BAIAP3: variants seen among roughly 807,000 people sequenced by gnomAD.
BAIAP3 encodes BAI1 associated protein 3, also known as BAI1-associated protein 3.
BAIAP3 carries 180 observed loss-of-function variants against 149.7 expected under a neutral mutation model. The ratio of observed to expected loss-of-function variants is 1.20; its 90% CI spans 1.07 to 1.36. BAIAP3 has a LOEUF of 1.36. Ranked by LOEUF, BAIAP3 falls within the 40% of genes most tolerant of loss-of-function variation. The pLI is 0.00. For synonymous variants in BAIAP3, 845 were observed against 670.7 expected (o/e 1.26, Z -4.02); for missense variants, 1,767 against 1,563.4 (o/e 1.13, Z -2.20).
intron 21 of BAIAP3, 49 bp from the exon 22 acceptor site, chr16:1,345,200 G>C (rs1350027326): frequency 6.2e-7 from 1 of 1,610,228 alleles, no homozygotes; most frequent in African/African-American, 1.3e-5. Context: ...GAACGTGCTG[G>C]TTAAGGTGTC....
chr16:1,348,113 C>T lies in BAIAP3; in HGVS notation c.3167C>T (p.Ala1056Val), dbSNP rs144679706. The T allele has an allele frequency of 2.8e-5, 45 of 1,603,310 alleles. No individual in the cohort carries two copies. Among genetic ancestry groups the T allele is most frequent in the South Asian group, 6.6e-5 (6 of 91,022 alleles). Reference protein sequence around the residue: ...ELFYFSVPAEACRRRAACVLF... With the variant: ...ELFYFSVPAEVCRRRAACVLF... ...GTCCGCAGTTCCGTGCCTGCCGAGG[C>T]GTGCCGCCGCCGCGCGGCCTGTGTG... The change falls in exon 33 of 34, where the codon GCG becomes GTG. Residue 1056 changes from alanine (A) to valine (V), a missense_variant. Ala to Val is a moderately conservative substitution (Grantham distance 64). Transcript: ENST00000426824.
At chr16:1,344,878 T>G in intron 20 of BAIAP3, 29 bp downstream of exon 20, 1 of 1,613,680 alleles carries the variant, frequency 6.2e-7, no homozygotes, top group East Asian at 2.2e-5. Flanking sequence ...CCCGGGTGCC[T>G]GCCAGGCATG....
At position 1,348,933 on chromosome 16, in the gene BAIAP3, G is replaced by A. The variant is rs116986044; in HGVS notation, c.*451G>A. 0.015 allele frequency: 3,873 copies of A among 262,072 alleles called. 48 individuals carry two copies. The highest frequency in any genetic ancestry group is 0.02 in the Non-Finnish European group (2,664 of 134,858). 16.2% of individuals were successfully genotyped at this position (262,072 alleles called of 1,614,324 possible). On this transcript the variant is annotated 3_prime_UTR_variant, in exon 34 of 34. Transcript: ENST00000426824. Reference sequence around the variant, plus strand: ...TGAAAAGGGTGCCACTGGCACCACTGGGTGGATGGTCCAGAGCCTCCACCC... The same window carrying A: ...TGAAAAGGGTGCCACTGGCACCACTAGGTGGATGGTCCAGAGCCTCCACCC...
Position 1,342,295 on chromosome 16 carries a change from TG to T in BAIAP3, c.957+16del. ...ACATACCTGTCCGGGTGAGTGGGTG[TG>T]GGGTGGGGCTGGTGACACTTAGAGA... On this transcript the variant is annotated intron_variant, in intron 11 of 33. Transcript: ENST00000426824. 2 of 1,609,954 alleles carry T rather than the reference TG, an allele frequency of 1.2e-6. No individual in the cohort carries two copies. Among genetic ancestry groups the T allele is most frequent in the Non-Finnish European group, 1.7e-6 (2 of 1,178,134 alleles).
rs769034655 is a variant in BAIAP3, at chr16:1,347,877, C to T, written c.3026-17C>T. ...GGTGGGATGGGGGCAGGGGGGCTCA[C>T]GACTGTGCTCCTGCAGGCTTAAGTG... On this transcript the variant is annotated splice_polypyrimidine_tract_variant and intron_variant, in intron 31 of 33. Transcript: ENST00000426824. 18 of 1,610,202 alleles carry T rather than the reference C, an allele frequency of 1.1e-5. No homozygotes were observed. Among genetic ancestry groups the T allele is most frequent in the African/African-American group, 2.7e-5 (2 of 74,896 alleles).
In BAIAP3 at chr16:1,348,372, C is replaced by G; in HGVS notation, c.3356-7C>G. On this transcript the variant is annotated splice_polypyrimidine_tract_variant and splice_region_variant and intron_variant, in intron 33 of 33. Coordinates refer to ENST00000426824, the MANE Select transcript of BAIAP3 (RefSeq NM_001199097.2). ...GGCCCCCACACACCTGCCCGCGCTG[C>G]TTGCAGTGAGATCTGCGCTGAGGAG... The G allele has an allele frequency of 6.2e-7, 1 of 1,611,982 alleles. No individual in the cohort carries two copies. Among genetic ancestry groups the G allele is most frequent in the Non-Finnish European group, 8.5e-7 (1 of 1,179,540 alleles).
Position 1,336,057 on chromosome 16 carries a change from C to T in BAIAP3, c.-11+2308C>T, listed in dbSNP as rs7205825. 5.8e-3 allele frequency: 1,132 copies of T among 194,348 alleles called. 12 individuals are homozygous for T. Among genetic ancestry groups the T allele is most frequent in the African/African-American group, 0.024 (1,030 of 42,298 alleles). The allele number at this position is 194,348 out of a possible 1,614,324, so 12.0% of individuals were successfully genotyped here. A position where few individuals can be genotyped will look rare whatever the true frequency, so the allele number is the denominator to read the frequency against. On this transcript the variant is annotated intron_variant, in intron 1 of 33. Transcript: ENST00000426824. ...CTGGAACATCTTGTTATCACAAAGACACCCCCTCCCCAACCCCGCAGTTCA... is the reference window on the plus strand; with the variant it reads ...CTGGAACATCTTGTTATCACAAAGATACCCCCTCCCCAACCCCGCAGTTCA...
In BAIAP3 at chr16:1,342,207, C is replaced by T. The variant is rs1357569559; in HGVS notation, c.881C>T (p.Ala294Val). The change falls in exon 11 of 34, where the codon GCC becomes GTC. Residue 294 changes from alanine (A) to valine (V), a missense_variant. Coordinates refer to ENST00000426824, the MANE Select transcript of BAIAP3 (RefSeq NM_001199097.2). ...GRYFKQIVKS[A>V]RANGTAGPTE... ...TACTTCAAACAGATCGTCAAGTCAG[C>T]CCGCGCAAACGGGACAGCAGGACCC... 1 of 1,608,656 alleles carries T rather than the reference C, an allele frequency of 6.2e-7. No homozygotes were observed. Among genetic ancestry groups the T allele is most frequent in the South Asian group, 1.1e-5 (1 of 90,790 alleles).
At position 1,348,892 on chromosome 16, in the gene BAIAP3, A is replaced by C. The variant is rs974639880; in HGVS notation, c.*410A>C. ...GGCAATGTGCAGACGCATTTTTGGT[A>C]ATCACAGCTGGGGAGTGAAAAGGGT... On this transcript the variant is annotated 3_prime_UTR_variant, in exon 34 of 34. Transcript: ENST00000426824. 7.8e-5 allele frequency: 22 copies of C among 282,128 alleles called. No homozygotes were observed. Among genetic ancestry groups the C allele is most frequent in the Non-Finnish European group, 5.4e-5 (8 of 146,956 alleles). The allele number at this position is 282,128 out of a possible 1,614,324, so 17.5% of individuals were successfully genotyped here.
chr16:1,346,536 G>A (rs1223685647), intron 26 of BAIAP3, 26 bp downstream of exon 26: 1 of 1,597,142 alleles, frequency 6.3e-7, no homozygotes, highest in Admixed American at 1.7e-5. Flanking sequence ...AGGGGCCGTG[G>A]AGGACTGTGT....
intron 15 of BAIAP3, 24 bp downstream of exon 15, chr16:1,343,537 G>A (rs377742442): frequency 6.2e-7 from 1 of 1,602,934 alleles, no homozygotes; most frequent in African/African-American, 1.3e-5. Context: ...GGACCTTCTT[G>A]CCAGCCATGG....
intron 8 of BAIAP3, 146 bp downstream of exon 8, chr16:1,341,635 G>C: frequency 3.2e-6 from 4 of 1,265,300 alleles, no homozygotes; most frequent in Non-Finnish European, 4.4e-6. Context: ...CTGAGGCCCA[G>C]AGATGGGCGT....
Position 1,346,593 on chromosome 16 carries a change from C to T in BAIAP3, c.2563-12C>T, listed in dbSNP as rs202079072. 1.3e-6 allele frequency: 2 copies of T among 1,559,622 alleles called. No individual in the cohort carries two copies. Among genetic ancestry groups the T allele is most frequent in the Admixed American group, 1.9e-5 (1 of 51,866 alleles). On this transcript the variant is annotated splice_polypyrimidine_tract_variant and intron_variant, in intron 26 of 33. Transcript: ENST00000426824. ...TGCGGGGTAAGCCTGGCCTGACCAC[C>T]CCTGCCCGCAGGCCGTGGCCCCGCT...
rs1040079136 is a variant in BAIAP3, at chr16:1,344,698, G to A, written c.1757G>A (p.Ser586Asn). The A allele has an allele frequency of 3.1e-6, 5 of 1,613,478 alleles. No homozygotes were observed. Among genetic ancestry groups the A allele is most frequent in the Non-Finnish European group, 4.2e-6 (5 of 1,180,020 alleles). ...CYSVYASLFHSILNVDVFTLT... is the reference protein window; with the variant it reads ...CYSVYASLFHNILNVDVFTLT... ...AGTGTGTACGCCAGCCTCTTCCACA[G>A]GTGGGCCTGGCCCCTCAGTGCTGTC... The change falls in exon 19 of 34, where the codon AGC becomes AAC. Residue 586 changes from serine to asparagine, a missense_variant and splice_region_variant. Ser to Asn is a conservative substitution (Grantham distance 46, BLOSUM62 1). Coordinates refer to ENST00000426824, the MANE Select transcript of BAIAP3 (RefSeq NM_001199097.2).
Position 1,349,154 on chromosome 16 carries a change from C to T in BAIAP3, c.*672C>T, listed in dbSNP as rs1018670519. 1.0e-4 allele frequency: 49 copies of T among 484,660 alleles called. No individual in the cohort carries two copies. Among genetic ancestry groups the T allele is most frequent in the Middle Eastern group, 1.1e-3 (2 of 1,744 alleles). The allele number at this position is 484,660 out of a possible 1,614,324, so 30.0% of individuals were successfully genotyped here. ...CGCACATATCCGTGGCCACCTGAGA[C>T]CTGCTCCACGACCCTTCCAGGCAGA... On this transcript the variant is annotated 3_prime_UTR_variant, in exon 34 of 34. Transcript: ENST00000426824.
In BAIAP3 at chr16:1,344,466, C is replaced by G; in HGVS notation, c.1603-3C>G. 1 of 1,613,524 alleles carries G rather than the reference C, an allele frequency of 6.2e-7. No individual in the cohort carries two copies. The highest frequency in any genetic ancestry group is 1.1e-5 in the South Asian group (1 of 91,080). On this transcript the variant is annotated splice_polypyrimidine_tract_variant and splice_region_variant and intron_variant, in intron 17 of 33. Transcript: ENST00000426824. The stretch of plus-strand genomic sequence containing the variant: ...CATGCTGTCTTGGTGGTGTCTGTTG[C>G]AGAGAGGCAACCGTGAGTGGTACGA...
Position 1,344,026 on chromosome 16 carries a change from A to G in BAIAP3, c.1391A>G (p.Glu464Gly), listed in dbSNP as rs2034126173. The change falls in exon 16 of 34, where the codon GAG becomes GGG. Residue 464 changes from glutamate to glycine, a missense_variant. Physicochemically the swap from Glu to Gly is moderately conservative, Grantham distance 98 (BLOSUM62 -2). Transcript: ENST00000426824. ...EAPSLPQEQE[E>G]SLADSLSAFS... ...TGAAGGGCCCTGTCCCCACAGGAGG[A>G]GAGCCTGGCTGATAGCCTTTCCGCC... is the stretch of plus-strand genomic sequence containing the variant. 6.2e-7 allele frequency: 1 copy of G among 1,612,262 alleles called. No homozygotes were observed. Among genetic ancestry groups the G allele is most frequent in the Non-Finnish European group, 8.5e-7 (1 of 1,179,890 alleles).
intron 25 of BAIAP3, 27 bp downstream of exon 25, chr16:1,346,388 T>C (rs1243886948): frequency 1.9e-6 from 3 of 1,611,014 alleles, no homozygotes; most frequent in South Asian, 2.2e-5. Flanking sequence ...GACCAAGGCG[T>C]GGAGGCAGTC....
intron 11 of BAIAP3, 25 bp downstream of exon 11, chr16:1,342,308 G>A (rs1026005434): frequency 2.5e-6 from 4 of 1,605,106 alleles, no homozygotes; most frequent in East Asian, 2.2e-5. Context: ...GGTGGGGCTG[G>A]TGACACTTAG....
Sources: gnomAD v4.1 joint callset for allele counts on GRCh38, gnomAD v4.1.1 for gene constraint, MANE v1.5 for transcripts, NCBI Gene and HGNC (gene_info 2026-07-23, HGNC 2026-07-21) for gene names.